FRMD3: variants seen among roughly 807,000 people sequenced by gnomAD.
FRMD3 encodes FERM domain containing 3.
In FRMD3, 33 loss-of-function variants were observed where a neutral mutation model predicts 70.2. That is an observed-to-expected ratio of 0.47 (90% CI 0.36 to 0.63). The LOEUF (loss-of-function observed/expected upper bound fraction) is 0.63. Among genes scored for constraint, FRMD3 ranks in the 20% least tolerant of loss-of-function variants. FRMD3 has a pLI of 0.00. For synonymous variants in FRMD3, 279 were observed against 255.9 expected, an observed-to-expected ratio of 1.09 and a Z score of -0.86; for missense variants, 632 against 711.4, an observed-to-expected ratio of 0.89 and a Z score of 1.27.
At chr9:83,479,694 AAGAAAGAAAG>A (rs1240158557) in intron 1 of FRMD3, among the ~76,000 whole-genome samples, 2,244 of 75,152 alleles carry the variant, frequency 0.03, 36 homozygotes, top group African/African-American at 0.063. Context: ...GAAAGAAAGA[AAGAAAGAAAG>A]AAAGAAAGAA....
chr9:83,448,291 A>G (rs1473466567), intron 1 of FRMD3, among the ~76,000 whole-genome samples: 1 of 152,102 alleles, frequency 6.6e-6, no homozygotes, highest in Non-Finnish European at 1.5e-5. Flanking sequence ...ACCGCTCCCT[A>G]TTGTCTCACT....
intron 13 of FRMD3, among the ~76,000 whole-genome samples, chr9:83,250,103 T>C (rs1221262827): frequency 6.6e-6 from 1 of 152,070 alleles, no homozygotes; most frequent in Non-Finnish European, 1.5e-5. Flanking sequence ...GGTTCTCGCA[T>C]TGGGACTGAC....
the FRMD3 span, among the ~76,000 whole-genome samples, chr9:83,583,776 T>C: frequency 2.4e-4 from 36 of 152,142 alleles, no homozygotes; most frequent in South Asian, 5.4e-3. Context: ...GGCCAGCTGA[T>C]TTTTGTATTT....
chr9:83,298,797 C>G lies in FRMD3; in HGVS notation c.1021G>C (p.Val341Leu). 6.2e-7 allele frequency: 1 copy of G among 1,614,240 alleles called. No homozygotes were observed. Among genetic ancestry groups the G allele is most frequent in the Middle Eastern group, 1.6e-4 (1 of 6,062 alleles). Reference sequence around the variant, plus strand: ...TGGATCTTGGAACTGGCCTCCACCACCTCTTTGGCAACTTTCCCACTGCAA... The same window carrying G: ...TGGATCTTGGAACTGGCCTCCACCAGCTCTTTGGCAACTTTCCCACTGCAA... Reference protein sequence around the residue: ...FRYSGKVAKEVVEASSKIQRE... With the variant: ...FRYSGKVAKELVEASSKIQRE... Residue 341 changes from valine (V) to leucine (L), a missense_variant, in exon 12 of 14, where the codon GTG becomes CTG. By Grantham distance (32) the Val-to-Leu change is conservative. Transcript: ENST00000304195.
intron 1 of FRMD3, among the ~76,000 whole-genome samples, chr9:83,441,981 T>C (rs1157174856): frequency 8.5e-5 from 13 of 152,220 alleles, no homozygotes; most frequent in Admixed American, 8.5e-4. Flanking sequence ...TCTGTTTCCT[T>C]TGGCATTGAC....
upstream of FRMD3, among the ~76,000 whole-genome samples, chr9:83,541,541 G>T (rs560836828): frequency 2.6e-5 from 4 of 152,320 alleles, no homozygotes; most frequent in South Asian, 8.3e-4. Flanking sequence ...AAGAATCATT[G>T]GCAAAGGAAG....
rs1048850916 is a variant in FRMD3 at position 83,406,918 on chromosome 9, C to T, written c.148-17210G>A. ...GTTTATTTTATCACTCCAAATACTC[C>T]GCAAAATGCCCCACCACCATGGTTG... is the stretch of plus-strand genomic sequence containing the variant. On this transcript the variant is annotated intron_variant, in intron 1 of 13. Transcript: ENST00000304195. 6.6e-5 allele frequency among the ~76,000 whole-genome samples: 10 copies of T among 152,122 alleles called. No individual in the cohort carries two copies. The East Asian group carries it at 1.2e-3, about 18-fold the overall frequency.
intron 13 of FRMD3, among the ~76,000 whole-genome samples, chr9:83,264,323 T>C (rs1353679620): frequency 6.6e-6 from 1 of 152,036 alleles, no homozygotes; most frequent in Non-Finnish European, 1.5e-5. Context: ...GAGAGAGAAA[T>C]AGGTGGAACA....
At chr9:83,569,642 C>A in the FRMD3 span, among the ~76,000 whole-genome samples, 1 of 152,252 alleles carries the variant, frequency 6.6e-6, no homozygotes, top group Non-Finnish European at 1.5e-5. Flanking sequence ...CCTTCTGAGG[C>A]CAGGCATAAT....
intron 4 of FRMD3, among the ~76,000 whole-genome samples, chr9:83,348,621 T>C (rs923883552): frequency 5.3e-4 from 80 of 152,300 alleles, no homozygotes; most frequent in African/African-American, 1.9e-3. Flanking sequence ...GATACATTTA[T>C]GTCATGTGAA....
chr9:83,380,154 G>C (rs2089613205), intron 2 of FRMD3, among the ~76,000 whole-genome samples: 1 of 152,162 alleles, frequency 6.6e-6, no homozygotes, highest in South Asian at 2.1e-4. Flanking sequence ...TTTGCCTTAA[G>C]CTTAAACCCT....
intron 11 of FRMD3, 48 bp downstream of exon 11, chr9:83,299,064 G>A (rs899791213): frequency 7.4e-7 from 1 of 1,360,138 alleles, no homozygotes; most frequent in African/African-American, 1.4e-5. Flanking sequence ...AAATTTAAGT[G>A]GCTGCCCATC....
intron 2 of FRMD3, among the ~76,000 whole-genome samples, chr9:83,387,357 A>C (rs148055371): frequency 1.3e-5 from 2 of 152,190 alleles, no homozygotes; most frequent in African/African-American, 4.8e-5. Flanking sequence ...TACTATTGTT[A>C]TTTTGTGACA....
upstream of FRMD3, among the ~76,000 whole-genome samples, chr9:83,541,338 T>C (rs139034290): frequency 6.6e-6 from 1 of 152,348 alleles, no homozygotes; most frequent in East Asian, 1.9e-4. Flanking sequence ...CTGGTTTCAA[T>C]GTACTATCTA....
chr9:83,314,855 ACT>A (rs1479023774), intron 6 of FRMD3, among the ~76,000 whole-genome samples: 3 of 149,492 alleles, frequency 2.0e-5, no homozygotes, highest in Admixed American at 6.7e-5. Flanking sequence ...TCTCTCTCCC[ACT>A]CTCTCTCTTA....
intron 13 of FRMD3, among the ~76,000 whole-genome samples, chr9:83,250,613 T>C (rs898013058): frequency 6.6e-6 from 1 of 152,192 alleles, no homozygotes; most frequent in African/African-American, 2.4e-5. Flanking sequence ...TCTAAGTTCC[T>C]GGGGAAAGGG....
chr9:83,446,620 C>T (rs1360244131), intron 1 of FRMD3, among the ~76,000 whole-genome samples: 1 of 135,066 alleles, frequency 7.4e-6, no homozygotes, highest in Non-Finnish European at 1.5e-5. Context: ...GCACTCCAGC[C>T]TGGGCGACAG....
At chr9:83,471,080 G>C (rs527489856) in intron 1 of FRMD3, among the ~76,000 whole-genome samples, 2 of 152,262 alleles carry the variant, frequency 1.3e-5, no homozygotes, top group East Asian at 1.9e-4. Context: ...CAGTTTTAGG[G>C]GGGAGAAGGT....
chr9:83,348,726 A>T (rs1397947044), intron 4 of FRMD3, among the ~76,000 whole-genome samples: 1 of 152,090 alleles, frequency 6.6e-6, no homozygotes, highest in Non-Finnish European at 1.5e-5. Flanking sequence ...TTCCACACAC[A>T]CACACCCTCT....
Sources: allele counts gnomAD v4.1 joint callset (sites outside exome capture counted in the v4.1 genomes callset), GRCh38; gene constraint gnomAD v4.1.1; transcripts MANE v1.5; gene names NCBI Gene and HGNC (gene_info 2026-07-23, HGNC 2026-07-21).